MPZL3: variants seen among roughly 807,000 people sequenced by gnomAD.
The protein encoded by MPZL3 is myelin protein zero like 3.
MPZL3 carries 23 observed loss-of-function variants against 24.8 expected under a neutral mutation model. That is an observed-to-expected ratio of 0.93 (90% CI 0.67 to 1.31). MPZL3 has a LOEUF of 1.31. MPZL3 is among the 40% of genes most tolerant of loss of function. The probability of loss-of-function intolerance (pLI) is 0.00; values close to 1 mark genes in which losing one functional copy is unlikely to be tolerated. For synonymous variants in MPZL3, 99 were observed against 106.5 expected, an observed-to-expected ratio of 0.93 and a Z score of 0.44; for missense variants, 277 against 294.9, an observed-to-expected ratio of 0.94 and a Z score of 0.44.
Position 118,252,223 on chromosome 11 carries a change from C to T in MPZL3, c.72G>A (p.Gln24=). ...AGCGTAGCCAGCCGGAGCACTCACC[C>T]TGGAAGAACAGGACGCCCAGCAGAG... is the stretch of plus-strand genomic sequence containing the variant. ...LFPLLGVLFF[Q]GVYIVFSLEI... The change falls in exon 1 of 6, where the codon CAG becomes CAA. Residue 24 remains glutamine, a splice_region_variant and synonymous_variant. Coordinates refer to ENST00000278949, the MANE Select transcript of MPZL3 (RefSeq NM_198275.3). 6.2e-7 allele frequency: 1 copy of T among 1,613,690 alleles called. No individual in the cohort carries two copies. Among genetic ancestry groups the T allele is most frequent in the African/African-American group, 1.3e-5 (1 of 75,038 alleles).
intron 3 of MPZL3, among the ~76,000 whole-genome samples, chr11:118,235,913 A>G (rs756849835): frequency 1.3e-5 from 2 of 152,204 alleles, no homozygotes; most frequent in African/African-American, 2.4e-5. Flanking sequence ...TACTTATAAT[A>G]TGATAAATAT....
In MPZL3 at chr11:118,229,826, T is replaced by G; in HGVS notation, c.*68A>C. 6.5e-7 allele frequency: 1 copy of G among 1,543,394 alleles called. No individual in the cohort carries two copies. Among genetic ancestry groups the G allele is most frequent in the Non-Finnish European group, 8.9e-7 (1 of 1,117,650 alleles). On this transcript the variant is annotated 3_prime_UTR_variant, in exon 6 of 6. Coordinates refer to ENST00000278949, the MANE Select transcript of MPZL3 (RefSeq NM_198275.3). ...GCCAGCTCCACTTTCTCTGACAGGC[T>G]TTAGCTGCCAGTGGAATGGGATGTT...
chr11:118,251,878 C>T (rs1264715990), intron 1 of MPZL3, among the ~76,000 whole-genome samples: 3 of 152,242 alleles, frequency 2.0e-5, no homozygotes, highest in Non-Finnish European at 2.9e-5. Flanking sequence ...GGGTATACAG[C>T]GCCCAAACGA....
intron 1 of MPZL3, among the ~76,000 whole-genome samples, chr11:118,241,842 C>T (rs1318529209): frequency 1.3e-5 from 2 of 152,190 alleles, no homozygotes; most frequent in Non-Finnish European, 2.9e-5. Flanking sequence ...GAATCTGACC[C>T]TCCCAAAGAT....
At chr11:118,236,599 T>G (rs1334362360) in intron 3 of MPZL3, among the ~76,000 whole-genome samples, 1 of 152,218 alleles carries the variant, frequency 6.6e-6, no homozygotes, top group African/African-American at 2.4e-5. Context: ...GGGAAACTAC[T>G]GTTCTTTGCA....
intron 1 of MPZL3, among the ~76,000 whole-genome samples, chr11:118,242,460 T>C (rs1486025380): frequency 6.6e-6 from 1 of 152,252 alleles, no homozygotes; most frequent in Non-Finnish European, 1.5e-5. Context: ...AATTTCCTAT[T>C]GGACTACAAA....
chr11:118,240,089 T>C, intron 2 of MPZL3, 122 bp downstream of exon 2: 1 of 959,142 alleles, frequency 1.0e-6, no homozygotes, highest in Non-Finnish European at 1.5e-6. Context: ...CATCTATCTC[T>C]ATTAAAGTAG....
At chr11:118,240,781 A>ACTCT (rs1376511304) in intron 1 of MPZL3, among the ~76,000 whole-genome samples, 5 of 127,938 alleles carry the variant, frequency 3.9e-5, no homozygotes, top group African/African-American at 1.2e-4. Context: ...ACACACACAC[A>ACTCT]CACTCTGGGA....
rs1247641826 is a variant in MPZL3, at chr11:118,235,465, G to C, written c.576C>G (p.Ser192Arg). 7.4e-6 allele frequency: 12 copies of C among 1,613,762 alleles called. No individual in the cohort carries two copies. Among genetic ancestry groups the C allele is most frequent in the Non-Finnish European group, 1.0e-5 (12 of 1,179,884 alleles). The change falls in exon 4 of 6, where the codon AGC (serine) becomes AGG (arginine). Residue 192 changes from serine (S) to arginine (R), a missense_variant. Transcript: ENST00000278949. ...TAGATGACTTCTTATAGCCAGACCT[G>C]CTCCTCTTCTTCAGCCCAGCAGCCT... ...GRKAAGLKKR[S>R]RSGYKKSSIE...
chr11:118,252,231 A>G lies in MPZL3; in HGVS notation c.64T>C (p.Phe22Leu), dbSNP rs1949629525. Residue 22 changes from phenylalanine to leucine, a missense_variant, in exon 1 of 6, where the codon TTC becomes CTC. Coordinates refer to ENST00000278949, the MANE Select transcript of MPZL3 (RefSeq NM_198275.3). The part of the protein sequence containing the change: ...CALFPLLGVL[F>L]FQGVYIVFSL... Reference sequence around the variant, plus strand: ...CAGCCGGAGCACTCACCCTGGAAGAACAGGACGCCCAGCAGAGGGAAGAGA... The same window carrying G: ...CAGCCGGAGCACTCACCCTGGAAGAGCAGGACGCCCAGCAGAGGGAAGAGA... 6.2e-7 allele frequency: 1 copy of G among 1,613,686 alleles called. No individual in the cohort carries two copies. Among genetic ancestry groups the G allele is most frequent in the African/African-American group, 1.3e-5 (1 of 74,896 alleles).
chr11:118,245,935 T>G (rs752323279), intron 1 of MPZL3, among the ~76,000 whole-genome samples: 2 of 152,130 alleles, frequency 1.3e-5, no homozygotes, highest in Non-Finnish European at 2.9e-5. Context: ...GCCCACAAAG[T>G]CTAAAATACT....
chr11:118,240,097 T>G, intron 2 of MPZL3, 114 bp downstream of exon 2: 1 of 1,047,144 alleles, frequency 9.5e-7, no homozygotes, highest in Non-Finnish European at 1.3e-6. Context: ...TCTATTAAAG[T>G]AGAAGCCCAT....
chr11:118,232,234 A>G (rs1277749913), intron 5 of MPZL3, among the ~76,000 whole-genome samples: 1 of 152,152 alleles, frequency 6.6e-6, no homozygotes, highest in Non-Finnish European at 1.5e-5. Context: ...CACAATAGCC[A>G]TATGGCTTGC....
chr11:118,240,398 C>G, intron 1 of MPZL3, 21 bp from the exon 2 acceptor site: 1 of 1,589,494 alleles, frequency 6.3e-7, no homozygotes, highest in Non-Finnish European at 8.5e-7. Context: ...CAAACCCAAA[C>G]ACTTAAAATG....
chr11:118,252,047 C>A (rs367786440), intron 1 of MPZL3, among the ~76,000 whole-genome samples, 175 bp downstream of exon 1: 1 of 152,198 alleles, frequency 6.6e-6, no homozygotes, highest in Admixed American at 6.5e-5. Context: ...TGACAAAATA[C>A]CAACTATCCT....
Position 118,252,295 on chromosome 11 carries a change from C to T in MPZL3, c.-1G>A. 1 of 1,613,898 alleles carries T rather than the reference C, an allele frequency of 6.2e-7. No homozygotes were observed. The highest frequency in any genetic ancestry group is 8.5e-7 in the Non-Finnish European group (1 of 1,179,888). On this transcript the variant is annotated 5_prime_UTR_variant, in exon 1 of 6. Transcript: ENST00000278949. ...TTCCAGCTGCTCCTCTCTGCTGCAT[C>T]CCGGCAGCTCTTCAGATGCTTGCAC...
intron 1 of MPZL3, among the ~76,000 whole-genome samples, chr11:118,249,180 T>G (rs896849226): frequency 1.1e-4 from 16 of 152,172 alleles, no homozygotes; most frequent in African/African-American, 2.9e-4. Flanking sequence ...GACTCCTTTT[T>G]GGGGAGAAAG....
rs1356599367 is a variant in MPZL3, at chr11:118,237,102, G to A, written c.399C>T (p.Pro133=). ...TGGGAATATTATGATGCACATCTGG[G>A]GGATTCTTCACAGCACAGCTGAATG... ...NGTFSCAVKN[P]PDVHHNIPMT... Residue 133 remains proline, a synonymous_variant, in exon 3 of 6, where the codon CCC becomes CCT. Coordinates refer to ENST00000278949, the MANE Select transcript of MPZL3 (RefSeq NM_198275.3). The A allele has an allele frequency of 6.2e-7, 1 of 1,613,908 alleles. No individual in the cohort carries two copies. Among genetic ancestry groups the A allele is most frequent in the Non-Finnish European group, 8.5e-7 (1 of 1,179,950 alleles).
chr11:118,235,515 G>C lies in MPZL3; in HGVS notation c.526C>G (p.Leu176Val). The change falls in exon 4 of 6, where the codon CTG becomes GTG. Residue 176 changes from leucine (L) to valine (V), a missense_variant. Leu to Val is a conservative substitution (Grantham distance 32). Transcript: ENST00000278949. The stretch of plus-strand genomic sequence containing the variant: ...TTCCTCCCCATTCTCACCAGCAGCA[G>C]AGCAACCACCACGGCTGAGGGCACA... ...VFVPSAVVVA[L>V]LLVRMGRKAA... 1 of 1,613,970 alleles carries C rather than the reference G, an allele frequency of 6.2e-7. No homozygotes were observed. Among genetic ancestry groups the C allele is most frequent in the Non-Finnish European group, 8.5e-7 (1 of 1,179,960 alleles).
Sources: allele counts gnomAD v4.1 joint callset (sites outside exome capture counted in the v4.1 genomes callset), GRCh38; gene constraint gnomAD v4.1.1; transcripts MANE v1.5; gene names NCBI Gene and HGNC (gene_info 2026-07-23, HGNC 2026-07-21).